KCNT2: variants seen among roughly 807,000 people sequenced by gnomAD.
KCNT2 encodes the protein potassium channel subfamily T member 2.
In KCNT2, 67 loss-of-function variants were observed where a neutral mutation model predicts 153.8. The observed-to-expected ratio is 0.44, with a 90% CI of 0.36 to 0.53. The LOEUF (loss-of-function observed/expected upper bound fraction) is 0.53. Among genes scored for constraint, KCNT2 ranks in the 20% least tolerant of loss-of-function variants. The pLI is 0.00. For synonymous variants in KCNT2, 500 were observed against 458.8 expected (o/e 1.09, Z -1.15); for missense variants, 975 against 1,354.8 (o/e 0.72, Z 4.40).
At chr1:196,571,874 A>T (rs1005120725) in intron 1 of KCNT2, among the ~76,000 whole-genome samples, 1 of 152,104 alleles carries the variant, frequency 6.6e-6, no homozygotes, top group African/African-American at 2.4e-5. Flanking sequence ...TTTCAGCAGT[A>T]GAAATGGTAT....
chr1:196,451,035 T>C (rs1557951320), intron 8 of KCNT2, among the ~76,000 whole-genome samples: 1 of 151,746 alleles, frequency 6.6e-6, no homozygotes, highest in Non-Finnish European at 1.5e-5. Flanking sequence ...TTCTCATTTT[T>C]TTATTAGCTG....
At chr1:196,336,897 C>G (rs969478630) in intron 16 of KCNT2, among the ~76,000 whole-genome samples, 3 of 152,146 alleles carry the variant, frequency 2.0e-5, no homozygotes, top group Admixed American at 2.0e-4. Context: ...CCTCTTTGGT[C>G]TCCTTTGCTG....
chr1:196,396,894 C>T (rs887079160), intron 13 of KCNT2, among the ~76,000 whole-genome samples: 20 of 150,890 alleles, frequency 1.3e-4, no homozygotes, highest in Admixed American at 8.6e-4. Flanking sequence ...AGCATACCAA[C>T]GGCGTGCTAA....
chr1:196,357,010 A>G (rs1667230031), intron 14 of KCNT2, among the ~76,000 whole-genome samples: 1 of 151,944 alleles, frequency 6.6e-6, no homozygotes, highest in African/African-American at 2.4e-5. Flanking sequence ...TTCACTAACT[A>G]TAGACAGAGT....
chr1:196,315,059 ATAAT>A (rs1224525149), intron 21 of KCNT2, among the ~76,000 whole-genome samples: 3 of 151,706 alleles, frequency 2.0e-5, no homozygotes, highest in African/African-American at 4.8e-5. Context: ...AGAAGGCAAA[ATAAT>A]TAACCTCAAT....
intron 1 of KCNT2, among the ~76,000 whole-genome samples, chr1:196,539,433 T>C (rs904937027): frequency 2.6e-5 from 4 of 152,190 alleles, no homozygotes. Context: ...CCAACATTTC[T>C]ATAAATTTCC....
chr1:196,493,628 T>G (rs1282176323), intron 1 of KCNT2, among the ~76,000 whole-genome samples: 2 of 152,132 alleles, frequency 1.3e-5, no homozygotes, highest in African/African-American at 4.8e-5. Context: ...GGTATACACA[T>G]GCCATGTGTA....
chr1:196,358,508 A>G (rs1010888259), intron 14 of KCNT2, among the ~76,000 whole-genome samples: 2 of 151,920 alleles, frequency 1.3e-5, no homozygotes, highest in African/African-American at 2.4e-5. Flanking sequence ...ATTCCTTTGA[A>G]TAATCATCAC....
chr1:196,604,856 C>T (rs919031766), intron 1 of KCNT2, among the ~76,000 whole-genome samples: 23 of 152,034 alleles, frequency 1.5e-4, no homozygotes, highest in Non-Finnish European at 3.4e-4. Flanking sequence ...ATATACATTA[C>T]ATGTACATTA....
intron 22 of KCNT2, among the ~76,000 whole-genome samples, 165 bp from the exon 23 acceptor site, chr1:196,285,923 G>A (rs190485758): frequency 5.3e-5 from 8 of 152,000 alleles, no homozygotes; most frequent in East Asian, 1.9e-4. Context: ...CTGCCCTTTC[G>A]TTTTGCTAAC....
At chr1:196,369,481 C>G (rs1333219182) in intron 14 of KCNT2, among the ~76,000 whole-genome samples, 2 of 151,702 alleles carry the variant, frequency 1.3e-5, no homozygotes, top group Admixed American at 6.6e-5. Flanking sequence ...CCTCCTCCCC[C>G]CACCCCACAA....
intron 19 of KCNT2, among the ~76,000 whole-genome samples, chr1:196,324,032 C>T (rs906095234): frequency 2.6e-5 from 4 of 151,206 alleles, no homozygotes; most frequent in Non-Finnish European, 4.4e-5. Context: ...TTTTAGTTTC[C>T]TCATTCTTAA....
chr1:196,482,252 C>A (rs1459369351), intron 4 of KCNT2, 79 bp downstream of exon 4: 1 of 867,140 alleles, frequency 1.2e-6, no homozygotes, highest in East Asian at 2.7e-5. Context: ...TTTTGAACAT[C>A]AAAAGCTCTC....
At chr1:196,488,478 C>T (rs187133828) in intron 3 of KCNT2, among the ~76,000 whole-genome samples, 28 of 137,378 alleles carry the variant, frequency 2.0e-4, no homozygotes, top group African/African-American at 8.7e-4. Context: ...AACTTTGTTC[C>T]TCTTAATGTT....
intron 25 of KCNT2, among the ~76,000 whole-genome samples, chr1:196,269,535 A>G (rs1289684870): frequency 6.6e-6 from 1 of 152,172 alleles, no homozygotes; most frequent in Admixed American, 6.6e-5. Context: ...AAGAGAAATT[A>G]GGAATTAAGA....
At chr1:196,584,082 C>A (rs902346570) in intron 1 of KCNT2, among the ~76,000 whole-genome samples, 1 of 151,050 alleles carries the variant, frequency 6.6e-6, no homozygotes, top group African/African-American at 2.4e-5. Context: ...AGTCACCAAA[C>A]TAAAGGAACT....
chr1:196,581,291 T>C (rs1662010252), intron 1 of KCNT2, among the ~76,000 whole-genome samples: 1 of 152,072 alleles, frequency 6.6e-6, no homozygotes, highest in Non-Finnish European at 1.5e-5. Flanking sequence ...GAGTAGGAAA[T>C]ATTTATTCTT....
intron 1 of KCNT2, among the ~76,000 whole-genome samples, chr1:196,565,936 A>G (rs1476659674): frequency 6.6e-6 from 1 of 151,858 alleles, no homozygotes; most frequent in Non-Finnish European, 1.5e-5. Context: ...ACAATGTATT[A>G]TATTCTTGAA....
chr1:196,349,060 A>G (rs1448744650), intron 14 of KCNT2, among the ~76,000 whole-genome samples: 1 of 152,134 alleles, frequency 6.6e-6, no homozygotes, highest in Non-Finnish European at 1.5e-5. Context: ...AGAGCCTTAG[A>G]AAATTTTTGA....
Sources: gnomAD v4.1 joint callset for allele counts (sites outside exome capture counted in the v4.1 genomes callset) on GRCh38, gnomAD v4.1.1 for gene constraint, MANE v1.5 for transcripts, NCBI Gene and HGNC (gene_info 2026-07-23, HGNC 2026-07-21) for gene names.